NODAL: variants seen among roughly 807,000 people sequenced by gnomAD.
NODAL encodes the protein nodal growth differentiation factor.
A neutral mutation model predicts 34.0 loss-of-function variants in NODAL; 12 were observed. The ratio of observed to expected loss-of-function variants is 0.35; its 90% CI spans 0.23 to 0.57. The LOEUF is 0.57. NODAL is among the 20% of genes least tolerant of loss of function. The pLI is 0.83. For synonymous variants in NODAL, 162 were observed against 186.4 expected (o/e 0.87, Z 1.07); for missense variants, 390 against 444.2 (o/e 0.88, Z 1.10).
rs757713122 is a variant in NODAL at position 70,435,308 on chromosome 10, G to A, written c.869C>T (p.Pro290Leu). Residue 290 changes from proline to leucine, a missense_variant, in exon 2 of 3, where the codon CCG (proline) becomes CTG (leucine). Transcript: ENST00000287139. ...CPNPVGEEFH[P>L]TNHAYIQSLL... ...CACCTGGATGTATGCATGGTTGGTC[G>A]GATGAAACTCCTCCCCAACAGGATT... The A allele has an allele frequency of 4.5e-5, 73 of 1,611,972 alleles. No homozygotes were observed. Among genetic ancestry groups the A allele is most frequent in the Non-Finnish European group, 5.2e-5 (61 of 1,179,142 alleles).
At chr10:70,436,020 T>C (rs1845349164) in intron 1 of NODAL, 37 bp from the exon 2 acceptor site, 2 of 1,562,900 alleles carry the variant, frequency 1.3e-6, no homozygotes, top group Non-Finnish European at 1.8e-6. Flanking sequence ...GGAGGGTGAG[T>C]GAGGGCCTCC....
At chr10:70,434,622 C>T (rs999740106) in intron 2 of NODAL, among the ~76,000 whole-genome samples, 1 of 152,344 alleles carries the variant, frequency 6.6e-6, no homozygotes, top group East Asian at 1.9e-4. Flanking sequence ...CTCAGCCTCC[C>T]AAAGTGTTGG....
At chr10:70,438,295 C>T (rs774074194) in intron 1 of NODAL, among the ~76,000 whole-genome samples, 1 of 151,982 alleles carries the variant, frequency 6.6e-6, no homozygotes, top group African/African-American at 2.4e-5. Flanking sequence ...AACTCTGTCT[C>T]GAAAAAAGAA....
chr10:70,445,919 T>A (rs1342468599), upstream of NODAL, among the ~76,000 whole-genome samples: 1 of 152,182 alleles, frequency 6.6e-6, no homozygotes, highest in Non-Finnish European at 1.5e-5. Context: ...TAGAGCCCTG[T>A]GGAGGCCTGG....
chr10:70,434,555 G>T (rs1440658696), intron 2 of NODAL, among the ~76,000 whole-genome samples: 2 of 152,166 alleles, frequency 1.3e-5, no homozygotes. Context: ...TAGAGACGGG[G>T]TGTCACCATG....
chr10:70,447,097 T>C (rs1396891269), intron 1 of NODAL, among the ~76,000 whole-genome samples: 3 of 137,752 alleles, frequency 2.2e-5, no homozygotes, highest in Non-Finnish European at 4.6e-5. Flanking sequence ...TTTTTTGAGA[T>C]GGAATCTCAC....
At chr10:70,447,824 C>T in intron 1 of NODAL, 1 of 467,102 alleles carries the variant, frequency 2.1e-6, no homozygotes, top group Non-Finnish European at 4.5e-6. Context: ...GAGGCCCCAG[C>T]CCCTGGTTTA....
At chr10:70,434,863 G>A in intron 2 of NODAL, 1 of 192,054 alleles carries the variant, frequency 5.2e-6, no homozygotes. Flanking sequence ...CATCTTACAG[G>A]TGGAAAAACT....
chr10:70,433,525 C>T (rs1353126002), intron 2 of NODAL, among the ~76,000 whole-genome samples: 1 of 152,032 alleles, frequency 6.6e-6, no homozygotes, highest in African/African-American at 2.4e-5. Context: ...GGTGATCCTC[C>T]CACCTCAGCC....
upstream of NODAL, among the ~76,000 whole-genome samples, chr10:70,446,257 G>A (rs1189714767): frequency 1.3e-5 from 2 of 152,160 alleles, no homozygotes; most frequent in African/African-American, 4.8e-5. Flanking sequence ...GTCCCTTGAG[G>A]TTCTCAGATG....
intron 1 of NODAL, 22 bp downstream of exon 1, chr10:70,441,453 C>A (rs1249012412): frequency 6.4e-7 from 1 of 1,558,980 alleles, no homozygotes. Flanking sequence ...CCCAGCAGGG[C>A]GCGGCACGCG....
At chr10:70,443,891 A>T (rs572066116), upstream of NODAL, among the ~76,000 whole-genome samples, 1 of 152,142 alleles carries the variant, frequency 6.6e-6, no homozygotes, top group East Asian at 1.9e-4. Flanking sequence ...AACTTGCCTG[A>T]AGATACGCAT....
Position 70,441,595 on chromosome 10 carries a change from C to A in NODAL, c.73G>T (p.Ala25Ser). ...CCCCGCGTACGCAGGAGCGCAGTGGCCACCGTCGCAGCACCCGCCTGGAGT... is the reference window on the plus strand; with the variant it reads ...CCCCGCGTACGCAGGAGCGCAGTGGACACCGTCGCAGCACCCGCCTGGAGT... Reference protein sequence around the residue: ...ALLQAGAATVATALLRTRGQP... With the variant: ...ALLQAGAATVSTALLRTRGQP... Residue 25 changes from alanine (A) to serine (S), a missense_variant, in exon 1 of 3, where the codon GCC becomes TCC. Transcript: ENST00000287139. 6.4e-7 allele frequency: 1 copy of A among 1,558,936 alleles called. No individual in the cohort carries two copies. Among genetic ancestry groups the A allele is most frequent in the Non-Finnish European group, 8.7e-7 (1 of 1,152,882 alleles).
chr10:70,437,579 C>T lies in NODAL; in HGVS notation c.194-1596G>A, dbSNP rs539798781. Among the ~76,000 whole-genome samples, 4 of 152,280 alleles carry T rather than the reference C, an allele frequency of 2.6e-5. No homozygotes were observed. The Middle Eastern group carries it at 0.014, about 518-fold the overall frequency. Reference sequence around the variant, plus strand: ...AATAAAGAGGTTTGAAGGTTTATTGCTAAATAAAAGTTGGGGTTATTCATT... The same window carrying T: ...AATAAAGAGGTTTGAAGGTTTATTGTTAAATAAAAGTTGGGGTTATTCATT... On this transcript the variant is annotated intron_variant, in intron 1 of 2. Coordinates refer to ENST00000287139, the MANE Select transcript of NODAL (RefSeq NM_018055.5).
At chr10:70,436,064 T>C (rs1845349696) in intron 1 of NODAL, 81 bp from the exon 2 acceptor site, 1 of 1,201,072 alleles carries the variant, frequency 8.3e-7, no homozygotes, top group Non-Finnish European at 1.2e-6. Context: ...CCACCATAGC[T>C]CTTGCTGGAG....
In NODAL at chr10:70,441,456, G is replaced by T; in HGVS notation, c.193+19C>A. ...GCCCCGGGGGTGCCCAGCAGGGCGCGGCACGCGGCACTGCCTACCTTCTGC... is the reference window on the plus strand; with the variant it reads ...GCCCCGGGGGTGCCCAGCAGGGCGCTGCACGCGGCACTGCCTACCTTCTGC... On this transcript the variant is annotated intron_variant, in intron 1 of 2. Coordinates refer to ENST00000287139, the MANE Select transcript of NODAL (RefSeq NM_018055.5). 1 of 1,561,044 alleles carries T rather than the reference G, an allele frequency of 6.4e-7. No homozygotes were observed. Among genetic ancestry groups the T allele is most frequent in the South Asian group, 1.2e-5 (1 of 85,236 alleles).
At position 70,432,212 on chromosome 10, in the gene NODAL, G is replaced by T. The variant is rs531121138; in HGVS notation, c.*724C>A. The T allele has an allele frequency of 6.5e-6, 1 of 153,282 alleles. No individual in the cohort carries two copies. The highest frequency in any genetic ancestry group is 1.5e-5 in the Non-Finnish European group (1 of 68,798). The allele number at this position is 153,282 out of a possible 1,614,324, so 9.5% of individuals were successfully genotyped here. On this transcript the variant is annotated 3_prime_UTR_variant, in exon 3 of 3. Transcript: ENST00000287139. ...ACTTTAACAAACTCAGGCTGTGTCTGCCGAAGCAGACTGACGCAGGGATGT... is the reference window on the plus strand; with the variant it reads ...ACTTTAACAAACTCAGGCTGTGTCTTCCGAAGCAGACTGACGCAGGGATGT...
chr10:70,447,055 A>G (rs1343405510), intron 1 of NODAL, among the ~76,000 whole-genome samples: 3 of 149,784 alleles, frequency 2.0e-5, no homozygotes, highest in Non-Finnish European at 4.4e-5. Flanking sequence ...ACAGCAATTT[A>G]GCAGAGCCCT....
At chr10:70,446,140 G>T (rs144922103), upstream of NODAL, among the ~76,000 whole-genome samples, 7 of 152,274 alleles carry the variant, frequency 4.6e-5, no homozygotes, top group East Asian at 1.2e-3. Context: ...TCCAGGTGAG[G>T]AATGACACCT....
Sources: gnomAD v4.1 joint callset for allele counts (sites outside exome capture counted in the v4.1 genomes callset) on GRCh38, gnomAD v4.1.1 for gene constraint, MANE v1.5 for transcripts, NCBI Gene and HGNC (gene_info 2026-07-23, HGNC 2026-07-21) for gene names.